NARF: variants seen among roughly 807,000 people sequenced by gnomAD.
The protein encoded by NARF is iron-only hydrogenase-like protein 2.
Under a neutral mutation model 48.0 loss-of-function variants are expected in NARF, and 41 were observed. The ratio of observed to expected loss-of-function variants is 0.85; its 90% CI spans 0.66 to 1.11. The LOEUF is 1.11. NARF is among the 50% of genes least tolerant of loss of function. NARF has a pLI of 0.00. For missense variants in NARF, 613 were observed against 590.2 expected (o/e 1.04, Z -0.40); for synonymous variants, 215 against 225.5 (o/e 0.95, Z 0.42).
intron 1 of NARF, 171 bp downstream of exon 1, chr17:82,459,001 G>A (rs2043359244): frequency 1.7e-6 from 2 of 1,211,700 alleles, no homozygotes; most frequent in Non-Finnish European, 2.1e-6. Context: ...CGCGGGGTCC[G>A]CTGCGCTCTG....
rs763494072 is a variant in NARF, at chr17:82,484,909, G to C, written c.930G>C (p.Leu310=). 9 of 1,613,232 alleles carry C rather than the reference G, an allele frequency of 5.6e-6. No individual in the cohort carries two copies. The highest frequency in any genetic ancestry group is 1.3e-5 in the African/African-American group (1 of 75,010). Residue 310 remains leucine (L), a synonymous_variant, in exon 9 of 11, where the codon CTG becomes CTC. Coordinates refer to ENST00000309794, the MANE Select transcript of NARF (RefSeq NM_012336.4). ...TCTTCAGACATGCGGCCAAGGAGCT[G>C]TTCAACGAGGATGTGGAGGAGGTCA... is the stretch of plus-strand genomic sequence containing the variant. ...AHIFRHAAKE[L]FNEDVEEVTY...
At chr17:82,467,039 G>C (rs1399370372) in intron 3 of NARF, among the ~76,000 whole-genome samples, 1 of 147,676 alleles carries the variant, frequency 6.8e-6, no homozygotes, top group Non-Finnish European at 1.5e-5. Context: ...CCCTTGTACT[G>C]CGTGTCTATT....
intron 1 of NARF, chr17:82,459,215 C>G (rs940170595): frequency 5.9e-6 from 6 of 1,025,412 alleles, no homozygotes; most frequent in Non-Finnish European, 7.0e-6. Flanking sequence ...ACCGAGCAGC[C>G]GGTGCAGGGG....
intron 5 of NARF, among the ~76,000 whole-genome samples, chr17:82,473,295 ATTT>A (rs71168112): frequency 3.3e-5 from 4 of 120,696 alleles, no homozygotes; most frequent in African/African-American, 6.1e-5. Context: ...ACATGTCTCT[ATTT>A]TTTTTTTTTT....
In NARF at chr17:82,484,970, G is replaced by C. The variant is rs781267271; in HGVS notation, c.971+20G>C. On this transcript the variant is annotated intron_variant, in intron 9 of 10. Coordinates refer to ENST00000309794, the MANE Select transcript of NARF (RefSeq NM_012336.4). ...CCTGAGGTGTGGGGCAGTATCCACA[G>C]CCTGTCTGTGCCTGTGGTTAGCACG... 1.3e-6 allele frequency: 2 copies of C among 1,578,616 alleles called. No homozygotes were observed. Among genetic ancestry groups the C allele is most frequent in the Non-Finnish European group, 1.7e-6 (2 of 1,161,370 alleles).
At chr17:82,470,155 A>T (rs1338443078) in intron 4 of NARF, among the ~76,000 whole-genome samples, 1 of 152,208 alleles carries the variant, frequency 6.6e-6, no homozygotes, top group East Asian at 1.9e-4. Context: ...ACAGGCTTGA[A>T]GTCTAAGCAG....
At position 82,488,365 on chromosome 17, in the gene NARF, T is replaced by C. The variant is rs1158811118; in HGVS notation, c.*208T>C. ...GCTATCTTCATAATAGGTGTGGGAT[T>C]GGAACTTTTTTTTTCTTTTTTTTTT... On this transcript the variant is annotated 3_prime_UTR_variant, in exon 11 of 11. Transcript: ENST00000309794. 1.4e-6 allele frequency: 1 copy of C among 719,814 alleles called. No individual in the cohort carries two copies. Among genetic ancestry groups the C allele is most frequent in the Non-Finnish European group, 2.1e-6 (1 of 478,412 alleles). 44.6% of individuals were successfully genotyped at this position (719,814 alleles called of 1,614,324 possible). A position where few individuals can be genotyped will look rare whatever the true frequency, so the allele number is the denominator to read the frequency against.
chr17:82,461,513 A>G (rs1029545253), intron 2 of NARF, among the ~76,000 whole-genome samples: 2 of 152,170 alleles, frequency 1.3e-5, no homozygotes, highest in Non-Finnish European at 1.5e-5. Flanking sequence ...CAGGAGCCTG[A>G]GGCAGGAGAA....
At chr17:82,487,787 C>CCCCACA in intron 10 of NARF, 129 bp from the exon 11 acceptor site, 3 of 747,600 alleles carry the variant, frequency 4.0e-6, no homozygotes, top group Non-Finnish European at 4.2e-6. Flanking sequence ...CCCCTCCCGC[C>CCCCACA]CAATCTCTAC....
intron 3 of NARF, 122 bp downstream of exon 3, chr17:82,464,552 G>C: frequency 8.0e-7 from 1 of 1,257,814 alleles, no homozygotes; most frequent in Non-Finnish European, 1.1e-6. Flanking sequence ...GCCTTTTCCT[G>C]GTGTTGCTAA....
At position 82,487,994 on chromosome 17, in the gene NARF, T is replaced by A. The variant is rs941007580; in HGVS notation, c.1208T>A (p.Ile403Asn). 6.2e-7 allele frequency: 1 copy of A among 1,614,052 alleles called. No individual in the cohort carries two copies. Among genetic ancestry groups the A allele is most frequent in the Non-Finnish European group, 8.5e-7 (1 of 1,180,048 alleles). ...DKALLRQMEG[I>N]YADIPVRRPE... Reference sequence around the variant, plus strand: ...GCCCTGCTGCGGCAGATGGAAGGCATTTACGCTGACATCCCTGTGCGGCGT... The same window carrying A: ...GCCCTGCTGCGGCAGATGGAAGGCAATTACGCTGACATCCCTGTGCGGCGT... The change falls in exon 11 of 11, where the codon ATT becomes AAT. Residue 403 changes from isoleucine to asparagine, a missense_variant. Transcript: ENST00000309794.
intron 3 of NARF, among the ~76,000 whole-genome samples, chr17:82,465,174 A>C (rs573235381): frequency 6.6e-6 from 1 of 152,192 alleles, no homozygotes; most frequent in South Asian, 2.1e-4. Context: ...AAACAACCAG[A>C]TCTTGTGAGG....
intron 4 of NARF, among the ~76,000 whole-genome samples, chr17:82,471,514 C>T (rs1417955293): frequency 2.7e-5 from 4 of 147,658 alleles, no homozygotes; most frequent in Admixed American, 1.4e-4. Flanking sequence ...ATGCCCTTGC[C>T]GGGCGCGGTG....
intron 5 of NARF, among the ~76,000 whole-genome samples, chr17:82,475,563 C>T (rs145084458): frequency 2.0e-5 from 3 of 152,262 alleles, no homozygotes; most frequent in African/African-American, 7.2e-5. Flanking sequence ...CACCACCGCA[C>T]TCCAGCCTGG....
At chr17:82,481,021 C>T in intron 6 of NARF, 61 bp from the exon 7 acceptor site, 1 of 1,608,986 alleles carries the variant, frequency 6.2e-7, no homozygotes, top group Non-Finnish European at 8.5e-7. Flanking sequence ...GTTCTGGGCA[C>T]CAAGCGTAAG....
intron 4 of NARF, among the ~76,000 whole-genome samples, chr17:82,472,200 T>C (rs1474977471): frequency 6.6e-6 from 1 of 151,980 alleles, no homozygotes; most frequent in East Asian, 1.9e-4. Context: ...GAAGAAGTAT[T>C]GGCTGGATGC....
chr17:82,481,385 A>G (rs2043961640), intron 7 of NARF, among the ~76,000 whole-genome samples, 174 bp downstream of exon 7: 1 of 152,130 alleles, frequency 6.6e-6, no homozygotes. Flanking sequence ...GGTGAAGAGA[A>G]GGGTCATGTT....
chr17:82,473,559 G>A (rs1599837274), intron 5 of NARF, among the ~76,000 whole-genome samples: 1 of 151,078 alleles, frequency 6.6e-6, no homozygotes, highest in African/African-American at 2.4e-5. Context: ...CACCGTGTTA[G>A]TCAGGATGGT....
intron 1 of NARF, chr17:82,459,136 C>T: frequency 8.6e-7 from 1 of 1,161,640 alleles, no homozygotes; most frequent in East Asian, 4.0e-5. Flanking sequence ...AAACAGCGGT[C>T]GTGGCGGGAA....
Sources: gnomAD v4.1 joint callset for allele counts (sites outside exome capture counted in the v4.1 genomes callset) on GRCh38, gnomAD v4.1.1 for gene constraint, MANE v1.5 for transcripts, NCBI Gene and HGNC (gene_info 2026-07-23, HGNC 2026-07-21) for gene names.